SEC13: variants seen among roughly 807,000 people sequenced by gnomAD.
SEC13 encodes SEC13 homolog, nuclear pore and COPII component, also known as protein SEC13 homolog.
Under a neutral mutation model 49.2 loss-of-function variants are expected in SEC13, and 25 were observed. The observed-to-expected ratio is 0.51, with a 90% CI of 0.37 to 0.71. SEC13 has a LOEUF of 0.71. SEC13 is among the 30% of genes least tolerant of loss of function. The pLI is 0.00. For synonymous variants in SEC13, 148 were observed against 163.9 expected, an observed-to-expected ratio of 0.90 and a Z score of 0.74; for missense variants, 383 against 417.6, an observed-to-expected ratio of 0.92 and a Z score of 0.72.
chr3:10,305,581 C>T lies in SEC13; in HGVS notation c.562G>A (p.Asp188Asn). ...TACTTCCACAGCTTGATGAGGTTGTCACAGCCACCTGATGCAAACCTCTTG... is the reference window on the plus strand; with the variant it reads ...TACTTCCACAGCTTGATGAGGTTGTTACAGCCACCTGATGCAAACCTCTTG... ...YIKRFASGGCDNLIKLWKEEE... is the reference protein window; with the variant it reads ...YIKRFASGGCNNLIKLWKEEE... The change falls in exon 6 of 9, where the codon GAC (aspartate) becomes AAC (asparagine). Residue 188 changes from aspartate to asparagine, a missense_variant. Asp to Asn is a conservative substitution (Grantham distance 23). Transcript: ENST00000350697. 1 of 1,614,050 alleles carries T rather than the reference C, an allele frequency of 6.2e-7. No individual in the cohort carries two copies.
At position 10,301,288 on chromosome 3, in the gene SEC13, CACTGAT is replaced by C; in HGVS notation, c.936_941del (p.Ser313_Val314del). 1.2e-6 allele frequency: 2 copies of C among 1,614,180 alleles called. No individual in the cohort carries two copies. The highest frequency in any genetic ancestry group is 1.3e-5 in the African/African-American group (1 of 75,046). On this transcript the variant is annotated inframe_deletion, in exon 9 of 9. Coordinates refer to ENST00000350697, the MANE Select transcript of SEC13 (RefSeq NM_183352.3). ...ACTGCTCGTTCTGCTGGCCCTCTGT[CACTGAT>C]GCTGATACGGAGCCCTGGCCCTTGT...
chr3:10,309,802 T>TGAG (rs1468526714), intron 5 of SEC13, among the ~76,000 whole-genome samples: 1 of 152,262 alleles, frequency 6.6e-6, no homozygotes, highest in East Asian at 1.9e-4. Context: ...TTAGGTGAGA[T>TGAG]GAGTTTTCCT....
chr3:10,308,220 C>T (rs1024852863), intron 5 of SEC13, among the ~76,000 whole-genome samples: 1 of 152,144 alleles, frequency 6.6e-6, no homozygotes, highest in Non-Finnish European at 1.5e-5. Flanking sequence ...TCCTCGGATC[C>T]CCTGGTAATC....
chr3:10,315,906 G>T (rs1295109881), intron 2 of SEC13, among the ~76,000 whole-genome samples: 1 of 152,224 alleles, frequency 6.6e-6, no homozygotes, highest in African/African-American at 2.4e-5. Flanking sequence ...CCCCAGTCAG[G>T]TCTTCTGTGA....
In SEC13 at chr3:10,301,123, T is replaced by G; in HGVS notation, c.*138A>C. 2 of 1,613,750 alleles carry G rather than the reference T, an allele frequency of 1.2e-6. No individual in the cohort carries two copies. Among genetic ancestry groups the G allele is most frequent in the South Asian group, 2.2e-5 (2 of 91,080 alleles). On this transcript the variant is annotated 3_prime_UTR_variant, in exon 9 of 9. Coordinates refer to ENST00000350697, the MANE Select transcript of SEC13 (RefSeq NM_183352.3). ...CGATCACGTTAAGGCAGATGATCAATCTGTGGCTGCATCTGTAACTCCTCC... is the reference window on the plus strand; with the variant it reads ...CGATCACGTTAAGGCAGATGATCAAGCTGTGGCTGCATCTGTAACTCCTCC...
At chr3:10,316,209 G>A (rs769446569) in intron 2 of SEC13, among the ~76,000 whole-genome samples, 1 of 152,148 alleles carries the variant, frequency 6.6e-6, no homozygotes, top group Non-Finnish European at 1.5e-5. Flanking sequence ...CATGCCTCCT[G>A]CACCACTGAA....
chr3:10,305,202 A>G (rs1303847226), intron 6 of SEC13, 46 bp from the exon 7 acceptor site: 3 of 1,560,132 alleles, frequency 1.9e-6, no homozygotes, highest in Non-Finnish European at 2.6e-6. Context: ...CCGTTCCCAC[A>G]CCTCAACTCC....
At chr3:10,310,057 C>T (rs576259830) in intron 5 of SEC13, among the ~76,000 whole-genome samples, 23 of 152,326 alleles carry the variant, frequency 1.5e-4, no homozygotes, top group African/African-American at 5.3e-4. Flanking sequence ...GCTCAGATTT[C>T]TTCCCGCCCC....
At chr3:10,302,208 A>T (rs1407107853) in intron 8 of SEC13, among the ~76,000 whole-genome samples, 1 of 152,268 alleles carries the variant, frequency 6.6e-6, no homozygotes, top group Non-Finnish European at 1.5e-5. Flanking sequence ...ACTGCACTCC[A>T]GCCTGGACGA....
chr3:10,315,401 C>T lies in SEC13; in HGVS notation c.84G>A (p.Leu28=). The change falls in exon 3 of 9, where the codon CTG becomes CTA. Residue 28 remains leucine (L), a synonymous_variant. Transcript: ENST00000350697. ...CGGACCTGTCTGATGAGCAGGTTGC[C>T]AGGCGGGTGCCATAGTAGTCCATCT... ...DAQMDYYGTR[L]ATCSSDRSVK... 1 of 1,435,584 alleles carries T rather than the reference C, an allele frequency of 7.0e-7. No homozygotes were observed. Among genetic ancestry groups the T allele is most frequent in the Non-Finnish European group, 9.3e-7 (1 of 1,074,838 alleles). 88.9% of individuals were successfully genotyped at this position (1,435,584 alleles called of 1,614,324 possible).
chr3:10,301,093 A>ATCTC lies in SEC13; in HGVS notation c.*164_*167dup. 6.2e-7 allele frequency: 1 copy of ATCTC among 1,612,822 alleles called. No individual in the cohort carries two copies. Among genetic ancestry groups the ATCTC allele is most frequent in the Non-Finnish European group, 8.5e-7 (1 of 1,179,852 alleles). ...TCAGCTGGACAGTAGATTACAAAGC[A>ATCTC]TCTCCGATCACGTTAAGGCAGATGA... On this transcript the variant is annotated 3_prime_UTR_variant, in exon 9 of 9. Transcript: ENST00000350697.
rs191606335 is a variant in SEC13, at chr3:10,301,026, T to C, written c.*235A>G. On this transcript the variant is annotated 3_prime_UTR_variant, in exon 9 of 9. Coordinates refer to ENST00000350697, the MANE Select transcript of SEC13 (RefSeq NM_183352.3). ...TACATAAAAATGACCCAAAATAGAT[T>C]TGAACATCACTTGTAGTTTCTTCCT... 1 of 1,540,764 alleles carries C rather than the reference T, an allele frequency of 6.5e-7. No homozygotes were observed. Among genetic ancestry groups the C allele is most frequent in the Non-Finnish European group, 8.9e-7 (1 of 1,126,624 alleles).
At chr3:10,303,760 G>C in intron 8 of SEC13, 1 of 509,868 alleles carries the variant, frequency 2.0e-6, no homozygotes, top group Non-Finnish European at 3.6e-6. Flanking sequence ...GGCCTGACTG[G>C]CTCTGCCACC....
At chr3:10,304,957 T>G in intron 7 of SEC13, 76 bp downstream of exon 7, 1 of 1,606,566 alleles carries the variant, frequency 6.2e-7, no homozygotes, top group Non-Finnish European at 8.5e-7. Context: ...CAGAGGACTT[T>G]CTGCTAAGGA....
intron 5 of SEC13, among the ~76,000 whole-genome samples, chr3:10,306,398 C>T (rs1382267653): frequency 6.6e-6 from 1 of 152,198 alleles, no homozygotes; most frequent in Non-Finnish European, 1.5e-5. Context: ...AAGACTAGAG[C>T]TGGTGCGTTC....
rs546746081 is a variant in SEC13, at chr3:10,301,992, A to G, written c.856-618T>C. Among the ~76,000 whole-genome samples, 9 of 152,300 alleles carry G rather than the reference A, an allele frequency of 5.9e-5. No homozygotes were observed. In the East Asian group the frequency reaches 1.5e-3, roughly 26 times the overall value. ...CATGGTGGCTCACGCCTGTAATCTC[A>G]GCACTTTGGGAGGCTGAGATGGGTG... is the stretch of plus-strand genomic sequence containing the variant. On this transcript the variant is annotated intron_variant, in intron 8 of 8. Coordinates refer to ENST00000350697, the MANE Select transcript of SEC13 (RefSeq NM_183352.3).
chr3:10,319,336 C>A lies in SEC13; in HGVS notation c.4-1242G>T, dbSNP rs2059722955. The A allele has an allele frequency of 1.6e-5, 25 of 1,538,408 alleles. No individual in the cohort carries two copies. The South Asian group carries it at 2.9e-4, about 18-fold the overall frequency. ...CGAAGTCTGCAAAGGCAAGTAAGGA[C>A]AATAAGGAGTTTCCTCCATGTGCCG... On this transcript the variant is annotated intron_variant, in intron 1 of 8. Coordinates refer to ENST00000350697, the MANE Select transcript of SEC13 (RefSeq NM_183352.3).
At chr3:10,319,118 T>C (rs762234138) in intron 1 of SEC13, 1 of 1,598,308 alleles carries the variant, frequency 6.3e-7, no homozygotes, top group African/African-American at 1.3e-5. Flanking sequence ...GAAGTTTCAG[T>C]GTGGAACAGA....
chr3:10,315,413 A>G lies in SEC13; in HGVS notation c.72T>C (p.Tyr24=), dbSNP rs916245864. The change falls in exon 3 of 9, where the codon TAT becomes TAC. Residue 24 remains tyrosine, a synonymous_variant. Coordinates refer to ENST00000350697, the MANE Select transcript of SEC13 (RefSeq NM_183352.3). The part of the protein sequence containing the change: ...DMIHDAQMDY[Y]GTRLATCSSD... ...ATGAGCAGGTTGCCAGGCGGGTGCC[A>G]TAGTAGTCCATCTGGGCGTCGTGCT... 7.1e-7 allele frequency: 1 copy of G among 1,411,520 alleles called. No homozygotes were observed. The highest frequency in any genetic ancestry group is 9.5e-7 in the Non-Finnish European group (1 of 1,058,090). 87.4% of individuals were successfully genotyped at this position (1,411,520 alleles called of 1,614,324 possible).
Sources: allele counts gnomAD v4.1 joint callset (sites outside exome capture counted in the v4.1 genomes callset), GRCh38; gene constraint gnomAD v4.1.1; transcripts MANE v1.5; gene names NCBI Gene and HGNC (gene_info 2026-07-23, HGNC 2026-07-21).